The following DOK6 variants were observed in gnomAD, a reference collection of about 807,000 sequenced individuals.
DOK6 encodes docking protein 6, also known as downstream of tyrosine kinase 6.
A neutral mutation model predicts 44.0 loss-of-function variants in DOK6; 22 were observed. The observed-to-expected ratio is 0.50, with a 90% CI of 0.36 to 0.71. The LOEUF is 0.71. Ranked by LOEUF, DOK6 falls within the 30% of genes least tolerant of loss-of-function variation. The pLI is 0.00. For synonymous variants in DOK6, 166 were observed against 145.5 expected, an observed-to-expected ratio of 1.14 and a Z score of -1.01; for missense variants, 340 against 416.4, an observed-to-expected ratio of 0.82 and a Z score of 1.60.
chr18:69,633,707 G>A (rs535514363), intron 3 of DOK6, among the ~76,000 whole-genome samples: 8 of 152,252 alleles, frequency 5.3e-5, no homozygotes, highest in African/African-American at 1.7e-4. Flanking sequence ...AGAGGAAAAC[G>A]TCTAATTACT....
chr18:69,578,503 G>C (rs1366779267), intron 2 of DOK6, among the ~76,000 whole-genome samples: 1 of 152,172 alleles, frequency 6.6e-6, no homozygotes, highest in African/African-American at 2.4e-5. Flanking sequence ...TGGGAAATCA[G>C]ATAGTGTGAA....
intron 3 of DOK6, among the ~76,000 whole-genome samples, chr18:69,619,509 G>A (rs1984391264): frequency 6.6e-6 from 1 of 152,162 alleles, no homozygotes; most frequent in African/African-American, 2.4e-5. Flanking sequence ...ATGCCTCTTG[G>A]AATTCCCATG....
intron 1 of DOK6, among the ~76,000 whole-genome samples, chr18:69,559,041 C>A (rs1007805341): frequency 1.3e-5 from 2 of 152,018 alleles, no homozygotes; most frequent in East Asian, 3.8e-4. Context: ...TACATAGAAT[C>A]TTTAAAAATC....
intron 4 of DOK6, among the ~76,000 whole-genome samples, chr18:69,696,979 C>A (rs1482473111): frequency 4.6e-5 from 7 of 152,116 alleles, no homozygotes; most frequent in Non-Finnish European, 7.4e-5. Context: ...AATGTGAAAT[C>A]CATACACATA....
chr18:69,636,196 T>C (rs901153064), intron 3 of DOK6, among the ~76,000 whole-genome samples: 3 of 152,146 alleles, frequency 2.0e-5, no homozygotes, highest in Non-Finnish European at 4.4e-5. Context: ...GACCATGGGG[T>C]ACCAAGTACT....
chr18:69,690,030 C>G (rs181201992), intron 4 of DOK6, among the ~76,000 whole-genome samples: 3 of 152,048 alleles, frequency 2.0e-5, no homozygotes, highest in African/African-American at 7.2e-5. Context: ...ACAGAAATCT[C>G]TAAGGTTTAA....
At chr18:69,824,485 C>T (rs1239580100) in intron 7 of DOK6, among the ~76,000 whole-genome samples, 1 of 151,420 alleles carries the variant, frequency 6.6e-6, no homozygotes, top group African/African-American at 2.4e-5. Context: ...GCCTGAGCTT[C>T]CCAAGTAGCT....
intron 1 of DOK6, among the ~76,000 whole-genome samples, chr18:69,414,028 A>G (rs1279549724): frequency 1.3e-5 from 2 of 152,032 alleles, no homozygotes; most frequent in African/African-American, 4.8e-5. Context: ...TGCAAATTAA[A>G]ACTACCAAGA....
intron 3 of DOK6, among the ~76,000 whole-genome samples, chr18:69,627,518 G>A (rs899511867): frequency 6.6e-6 from 1 of 151,996 alleles, no homozygotes; most frequent in Non-Finnish European, 1.5e-5. Context: ...GAGCCATCTC[G>A]GCTCACTGCA....
At chr18:69,581,706 C>T (rs1200447825) in intron 2 of DOK6, among the ~76,000 whole-genome samples, 2 of 152,198 alleles carry the variant, frequency 1.3e-5, no homozygotes, top group African/African-American at 4.8e-5. Context: ...ACTAAAGGGA[C>T]TGAAAAAGCA....
intron 1 of DOK6, among the ~76,000 whole-genome samples, chr18:69,530,477 T>G (rs1981954907): frequency 6.6e-6 from 1 of 152,048 alleles, no homozygotes; most frequent in Non-Finnish European, 1.5e-5. Flanking sequence ...ATGCTTTCAG[T>G]GATTCACCAA....
At chr18:69,542,626 T>C (rs1452057255) in intron 1 of DOK6, among the ~76,000 whole-genome samples, 1 of 151,494 alleles carries the variant, frequency 6.6e-6, no homozygotes, top group Non-Finnish European at 1.5e-5. Context: ...AATGAAAATA[T>C]AAAGTAGGAA....
rs550302893 is a variant in DOK6 at position 69,610,520 on chromosome 18, A to G, written c.289+11022A>G. Among the ~76,000 whole-genome samples the G allele has an allele frequency of 7.2e-5, 11 of 152,314 alleles. No individual in the cohort carries two copies. In the South Asian group the frequency reaches 2.3e-3, roughly 32 times the overall value. ...CCATGAAGTATTTTGCAATCACTAG[A>G]AAGAATTCTAATTAAATCCTTTGAG... On this transcript the variant is annotated intron_variant, in intron 3 of 7. Coordinates refer to ENST00000382713, the MANE Select transcript of DOK6 (RefSeq NM_152721.6).
intron 1 of DOK6, among the ~76,000 whole-genome samples, chr18:69,555,784 G>A (rs1404012323): frequency 1.3e-5 from 2 of 152,156 alleles, no homozygotes; most frequent in African/African-American, 4.8e-5. Context: ...GCAATCATTG[G>A]GTACTGCATT....
At chr18:69,589,215 T>A (rs955666146) in intron 2 of DOK6, among the ~76,000 whole-genome samples, 1 of 152,192 alleles carries the variant, frequency 6.6e-6, no homozygotes, top group Non-Finnish European at 1.5e-5. Flanking sequence ...GAGATTAACC[T>A]ATATTTATTG....
chr18:69,769,553 T>C (rs1010676975), intron 7 of DOK6, among the ~76,000 whole-genome samples: 8 of 152,168 alleles, frequency 5.3e-5, no homozygotes, highest in Non-Finnish European at 1.0e-4. Context: ...TCTGATAGTA[T>C]AATTTAGCAT....
At chr18:69,433,007 A>C (rs1327718864) in intron 1 of DOK6, among the ~76,000 whole-genome samples, 1 of 152,134 alleles carries the variant, frequency 6.6e-6, no homozygotes, top group Non-Finnish European at 1.5e-5. Context: ...ACAGTGATTT[A>C]TTTGTTTTGA....
intron 1 of DOK6, among the ~76,000 whole-genome samples, chr18:69,493,996 A>C (rs1471093461): frequency 6.6e-6 from 1 of 152,226 alleles, no homozygotes; most frequent in Non-Finnish European, 1.5e-5. Context: ...AAGGAGAGTA[A>C]CCTGGGGTCT....
intron 7 of DOK6, among the ~76,000 whole-genome samples, chr18:69,762,962 G>GT (rs1979609792): frequency 2.0e-5 from 3 of 152,174 alleles, no homozygotes; most frequent in Admixed American, 2.0e-4. Flanking sequence ...TGATTTCCTT[G>GT]TTTTTTGTTT....
Sources: gnomAD v4.1 joint callset for allele counts (sites outside exome capture counted in the v4.1 genomes callset) on GRCh38, gnomAD v4.1.1 for gene constraint, MANE v1.5 for transcripts, NCBI Gene and HGNC (gene_info 2026-07-23, HGNC 2026-07-21) for gene names.